The following CACNA2D3 variants were observed in gnomAD, a reference collection of about 807,000 sequenced individuals.
CACNA2D3 encodes voltage-dependent calcium channel subunit alpha-2/delta-3.
A neutral mutation model predicts 160.6 loss-of-function variants in CACNA2D3; 60 were observed. The ratio of observed to expected loss-of-function variants is 0.37; its 90% CI spans 0.30 to 0.46. The LOEUF (loss-of-function observed/expected upper bound fraction) is 0.46. Ranked by LOEUF, CACNA2D3 falls within the 20% of genes least tolerant of loss-of-function variation. The pLI, the probability that CACNA2D3 is intolerant of heterozygous loss-of-function variation, is 1.00. For synonymous variants in CACNA2D3, 558 were observed against 492.9 expected (o/e 1.13, Z -1.75); for missense variants, 1,205 against 1,365.0 (o/e 0.88, Z 1.85).
intron 2 of CACNA2D3, among the ~76,000 whole-genome samples, chr3:54,182,276 G>A (rs1314142368): frequency 6.6e-6 from 1 of 152,102 alleles, no homozygotes; most frequent in African/African-American, 2.4e-5. Flanking sequence ...ATGAGATTTT[G>A]CTTGATTGGT....
At chr3:54,682,086 C>T (rs1047180741) in intron 11 of CACNA2D3, among the ~76,000 whole-genome samples, 1 of 151,332 alleles carries the variant, frequency 6.6e-6, no homozygotes, top group African/African-American at 2.4e-5. Context: ...ATCATGTGTG[C>T]GTGATTGCAA....
chr3:54,451,780 C>G lies in CACNA2D3; in HGVS notation c.382-51712C>G, dbSNP rs1007941245. Among the ~76,000 whole-genome samples the G allele has an allele frequency of 3.3e-5, 5 of 152,308 alleles. No homozygotes were observed. The South Asian group carries it at 1.0e-3, about 32-fold the overall frequency. On this transcript the variant is annotated intron_variant, in intron 4 of 37. Transcript: ENST00000474759. ...GAAAAACTAGGCCACACCTTCTGCA[C>G]TTTGCTTTCAAATCATCTTCAAGGT...
chr3:54,559,976 TTCTTA>T (rs1212616247), intron 5 of CACNA2D3, among the ~76,000 whole-genome samples: 1 of 152,204 alleles, frequency 6.6e-6, no homozygotes, highest in East Asian at 1.9e-4. Flanking sequence ...GTGCCACATT[TTCTTA>T]TCATTGATGG....
intron 5 of CACNA2D3, among the ~76,000 whole-genome samples, chr3:54,523,210 C>T (rs1430718580): frequency 6.6e-6 from 1 of 152,080 alleles, no homozygotes; most frequent in Non-Finnish European, 1.5e-5. Flanking sequence ...TTGAAGAAGT[C>T]ACCTTCTATT....
At chr3:54,730,012 A>T (rs1403388277) in intron 11 of CACNA2D3, among the ~76,000 whole-genome samples, 1 of 151,892 alleles carries the variant, frequency 6.6e-6, no homozygotes, top group Non-Finnish European at 1.5e-5. Context: ...AAAAAAAAAA[A>T]AAAAAAAAAT....
At chr3:54,353,799 C>G (rs1307933697) in intron 3 of CACNA2D3, among the ~76,000 whole-genome samples, 1 of 152,174 alleles carries the variant, frequency 6.6e-6, no homozygotes, top group East Asian at 1.9e-4. Flanking sequence ...CCACCTGGTC[C>G]TGGTCTAAAA....
intron 35 of CACNA2D3, among the ~76,000 whole-genome samples, chr3:55,059,361 G>T (rs1704444558): frequency 6.6e-6 from 1 of 152,164 alleles, no homozygotes; most frequent in African/African-American, 2.4e-5. Context: ...CATTACTATT[G>T]CCCAAACACA....
At chr3:54,929,092 C>T (rs906986861) in intron 27 of CACNA2D3, among the ~76,000 whole-genome samples, 1 of 152,116 alleles carries the variant, frequency 6.6e-6, no homozygotes. Context: ...TATAATTGAG[C>T]CATTGGGTTT....
At chr3:54,995,497 G>C (rs1457125816) in intron 31 of CACNA2D3, among the ~76,000 whole-genome samples, 1 of 152,154 alleles carries the variant, frequency 6.6e-6, no homozygotes, top group Non-Finnish European at 1.5e-5. Flanking sequence ...TGGCTTTTAA[G>C]TTCAAGGTTA....
At chr3:54,679,200 G>A (rs558848971) in intron 11 of CACNA2D3, among the ~76,000 whole-genome samples, 1 of 152,312 alleles carries the variant, frequency 6.6e-6, no homozygotes, top group Admixed American at 6.5e-5. Flanking sequence ...CATACTGGAA[G>A]GGGACGGTCT....
At chr3:54,905,676 A>G (rs9839518) in intron 27 of CACNA2D3, among the ~76,000 whole-genome samples, 4 of 152,090 alleles carry the variant, frequency 2.6e-5, no homozygotes, top group Non-Finnish European at 4.4e-5. Flanking sequence ...GATTGGCACT[A>G]CTGGTTAGGA....
intron 5 of CACNA2D3, among the ~76,000 whole-genome samples, chr3:54,556,073 CA>C (rs1287775564): frequency 3.3e-5 from 5 of 152,148 alleles, no homozygotes; most frequent in Non-Finnish European, 7.3e-5. Context: ...TAAAAGAATA[CA>C]TACAAACCAT....
chr3:54,928,520 T>C lies in CACNA2D3; in HGVS notation c.2449+28652T>C, dbSNP rs1701094029. Among the ~76,000 whole-genome samples the C allele has an allele frequency of 2.0e-5, 3 of 152,282 alleles. No individual in the cohort carries two copies. The South Asian group carries it at 6.2e-4, about 32-fold the overall frequency. On this transcript the variant is annotated intron_variant, in intron 27 of 37. Coordinates refer to ENST00000474759, the MANE Select transcript of CACNA2D3 (RefSeq NM_018398.3). ...CTGGAGGCTGACACGGTTTGCACCG[T>C]GCACTTCTTTGGTCATCGAAGTCTT...
At chr3:54,981,774 C>G (rs933383139) in intron 29 of CACNA2D3, among the ~76,000 whole-genome samples, 2 of 152,218 alleles carry the variant, frequency 1.3e-5, no homozygotes, top group African/African-American at 4.8e-5. Flanking sequence ...CTTTGCTTAG[C>G]GCCCAGTATC....
chr3:55,024,431 G>A (rs1281338229), intron 35 of CACNA2D3, among the ~76,000 whole-genome samples: 1 of 152,034 alleles, frequency 6.6e-6, no homozygotes, highest in Non-Finnish European at 1.5e-5. Context: ...AATCCCCAAT[G>A]TGATAGTATT....
intron 11 of CACNA2D3, among the ~76,000 whole-genome samples, chr3:54,656,330 A>G (rs998739999): frequency 3.9e-5 from 6 of 152,230 alleles, no homozygotes; most frequent in Admixed American, 3.9e-4. Context: ...TTGGATGGGA[A>G]GTCTCCCAGC....
intron 2 of CACNA2D3, among the ~76,000 whole-genome samples, chr3:54,298,878 G>C (rs73091541): frequency 0.087 from 12,716 of 145,352 alleles, 772 homozygotes; most frequent in South Asian, 0.13. Context: ...CCAGGATGTC[G>C]AGGCTGCAGT....
At chr3:54,774,330 G>A (rs775971793) in intron 13 of CACNA2D3, among the ~76,000 whole-genome samples, 1 of 152,168 alleles carries the variant, frequency 6.6e-6, no homozygotes, top group Non-Finnish European at 1.5e-5. Flanking sequence ...GAGGCCTCAG[G>A]AAACTTACAA....
At chr3:55,055,783 A>G (rs963404424) in intron 35 of CACNA2D3, among the ~76,000 whole-genome samples, 5 of 152,190 alleles carry the variant, frequency 3.3e-5, no homozygotes, top group Admixed American at 3.3e-4. Flanking sequence ...ATTTACTCCT[A>G]AGCTTTTTTT....
Sources: gnomAD v4.1 joint callset for allele counts (sites outside exome capture counted in the v4.1 genomes callset) on GRCh38, gnomAD v4.1.1 for gene constraint, MANE v1.5 for transcripts, NCBI Gene and HGNC (gene_info 2026-07-23, HGNC 2026-07-21) for gene names.